AHNAK: variants seen among roughly 807,000 people sequenced by gnomAD.
AHNAK encodes neuroblast differentiation-associated protein AHNAK.
AHNAK carries 23 observed loss-of-function variants against 37.8 expected under a neutral mutation model. That is an observed-to-expected ratio of 0.61 (90% CI 0.44 to 0.86). The LOEUF (loss-of-function observed/expected upper bound fraction) is 0.86. Among genes scored for constraint, AHNAK ranks in the 40% least tolerant of loss-of-function variants. AHNAK has a pLI of 0.00. For synonymous variants in AHNAK, 2,481 were observed against 2,636.3 expected (o/e 0.94, Z 1.80); for missense variants, 7,411 against 7,319.4 (o/e 1.01, Z -0.46).
Position 62,535,018 on chromosome 11 carries a change from G to A in AHNAK, c.327C>T (p.Ser109=), listed in dbSNP as rs1229361864. The A allele has an allele frequency of 6.2e-7, 1 of 1,610,984 alleles. No individual in the cohort carries two copies. The highest frequency in any genetic ancestry group is 1.1e-5 in the South Asian group (1 of 91,002). Residue 109 remains serine (S), a synonymous_variant, in exon 4 of 5, where the codon AGC becomes AGT. Coordinates refer to ENST00000378024, the MANE Select transcript of AHNAK (RefSeq NM_001620.3). ...AGGTACTCACCAGAACCACTTCAGA[G>A]CTGCAGGAGCTGAAGACTTCACGGG... The part of the protein sequence containing the change: ...TWTREVFSSC[S]SEVVLSGDDE...
Position 62,528,367 on chromosome 11 carries a change from T to C in AHNAK, c.6050A>G (p.Glu2017Gly). ...GATGTCAACATCTGGCACTTTCATT[T>C]CACCTTCTACCTTGGGCACAGACAC... is the stretch of plus-strand genomic sequence containing the variant. ...MDVSVPKVEG[E>G]MKVPDVDIKG... Residue 2017 changes from glutamate to glycine, a missense_variant, in exon 5 of 5, where the codon GAA becomes GGA. Physicochemically the swap from Glu to Gly is moderately conservative, Grantham distance 98 (BLOSUM62 -2). Coordinates refer to ENST00000378024, the MANE Select transcript of AHNAK (RefSeq NM_001620.3). 1 of 1,613,544 alleles carries C rather than the reference T, an allele frequency of 6.2e-7. No individual in the cohort carries two copies. The highest frequency in any genetic ancestry group is 1.3e-5 in the African/African-American group (1 of 74,786).
At position 62,516,974 on chromosome 11, in the gene AHNAK, C is replaced by G; in HGVS notation, c.17443G>C (p.Gly5815Arg). 1 of 1,614,210 alleles carries G rather than the reference C, an allele frequency of 6.2e-7. No individual in the cohort carries two copies. The highest frequency in any genetic ancestry group is 8.5e-7 in the Non-Finnish European group (1 of 1,180,016). ...EVSLEGGKVK[G>R]KHGKLKFGTF... is the part of the protein sequence containing the mutation. ...CCGAATTTCAGCTTCCCGTGTTTCC[C>G]TTTAACTTTCCCACCTTCCAGAGAC... The change falls in exon 5 of 5, where the codon GGG becomes CGG. Residue 5815 changes from glycine (G) to arginine (R), a missense_variant. Coordinates refer to ENST00000378024, the MANE Select transcript of AHNAK (RefSeq NM_001620.3).
At chr11:62,449,294 C>T (rs1010324715) in intron 5 of AHNAK, among the ~76,000 whole-genome samples, 3 of 152,206 alleles carry the variant, frequency 2.0e-5, no homozygotes, top group Non-Finnish European at 4.4e-5. Context: ...ACCTTGCCTC[C>T]CCTGGAGACT....
intron 5 of AHNAK, among the ~76,000 whole-genome samples, chr11:62,484,777 T>G (rs912278717): frequency 6.6e-6 from 1 of 152,012 alleles, no homozygotes; most frequent in African/African-American, 2.4e-5. Flanking sequence ...TTTTGTTTTG[T>G]TTTGTTCTGT....
intron 5 of AHNAK, among the ~76,000 whole-genome samples, chr11:62,477,183 C>T (rs1201323988): frequency 6.6e-6 from 1 of 152,082 alleles, no homozygotes; most frequent in Non-Finnish European, 1.5e-5. Flanking sequence ...AAGAGTTCGT[C>T]GAATCCCGAA....
chr11:62,445,318 A>G (rs1030712892), intron 5 of AHNAK, among the ~76,000 whole-genome samples: 3 of 152,146 alleles, frequency 2.0e-5, no homozygotes, highest in African/African-American at 7.2e-5. Flanking sequence ...ATTCATTTTA[A>G]CCTAATGTTA....
Position 62,525,806 on chromosome 11 carries a change from G to C in AHNAK, c.8611C>G (p.Leu2871Val). The change falls in exon 5 of 5, where the codon CTC becomes GTC. Residue 2871 changes from leucine to valine, a missense_variant. Leu to Val is a conservative substitution (Grantham distance 32). Transcript: ENST00000378024. ...TCAATGTCCACTTTGGGGCCTTTGA[G>C]GTCAACTTCAGGACCTTTCAGATCT... ...EGDLKGPEVDLKGPKVDIDVP... is the reference protein window; with the variant it reads ...EGDLKGPEVDVKGPKVDIDVP... 1 of 1,613,236 alleles carries C rather than the reference G, an allele frequency of 6.2e-7. No individual in the cohort carries two copies. Among genetic ancestry groups the C allele is most frequent in the African/African-American group, 1.3e-5 (1 of 74,686 alleles).
intron 4 of AHNAK, 147 bp from the exon 5 acceptor site, chr11:62,534,221 C>A: frequency 2.8e-6 from 2 of 715,468 alleles, no homozygotes; most frequent in South Asian, 2.3e-5. Flanking sequence ...TGGGGCACAG[C>A]ACAGGGGAGT....
At chr11:62,492,027 T>A (rs542934479) in intron 4 of AHNAK, among the ~76,000 whole-genome samples, 1 of 152,090 alleles carries the variant, frequency 6.6e-6, no homozygotes, top group Non-Finnish European at 1.5e-5. Context: ...ACAGAGAATC[T>A]TTAGAAGACA....
chr11:62,439,665 A>ATTTT (rs34334316), intron 5 of AHNAK, among the ~76,000 whole-genome samples: 5 of 83,292 alleles, frequency 6.0e-5, no homozygotes, highest in Non-Finnish European at 1.0e-4. Context: ...TTTTTGTGTG[A>ATTTT]TTTTTTTTTT....
At chr11:62,464,154 A>G (rs1938854841) in intron 5 of AHNAK, among the ~76,000 whole-genome samples, 1 of 151,662 alleles carries the variant, frequency 6.6e-6, no homozygotes. Flanking sequence ...CAGCCTCCCA[A>G]GTAGCAGAAA....
In AHNAK at chr11:62,523,035, A is replaced by G. The variant is rs1479177325; in HGVS notation, c.11382T>C (p.Asp3794=). The G allele has an allele frequency of 3.1e-6, 5 of 1,613,874 alleles. No homozygotes were observed. The highest frequency in any genetic ancestry group is 1.6e-4 in the Middle Eastern group (1 of 6,084). ...TCAGGTGCCAGTCTGGGCCTTGAAC[A>G]TCAACATCTGGAGCATTAATGTCCA... The part of the protein sequence containing the change: ...PKVDINAPDV[D]VQGPDWHLKM... Residue 3794 remains aspartate, a synonymous_variant, in exon 5 of 5, where the codon GAT becomes GAC. Transcript: ENST00000378024.
chr11:62,541,901 A>G (rs74779486), intron 1 of AHNAK: 5,333 of 152,286 alleles, frequency 0.035, 120 homozygotes, highest in Middle Eastern at 0.071. Flanking sequence ...CCGAGGATGC[A>G]GCTGCCAGGC....
rs759674909 is a variant in AHNAK at position 62,529,390 on chromosome 11, G to A, written c.5027C>T (p.Pro1676Leu). 3 of 1,613,746 alleles carry A rather than the reference G, an allele frequency of 1.9e-6. No individual in the cohort carries two copies. The highest frequency in any genetic ancestry group is 2.5e-6 in the Non-Finnish European group (3 of 1,179,942). ...KVKGDMDVSV[P>L]KVEGEMKVPD... is the part of the protein sequence containing the mutation. Reference sequence around the variant, plus strand: ...CACTTTCATTTCACCTTCTACCTTGGGCACAGACACATCCATATCCCCTTT... The same window carrying A: ...CACTTTCATTTCACCTTCTACCTTGAGCACAGACACATCCATATCCCCTTT... The change falls in exon 5 of 5, where the codon CCC becomes CTC. Residue 1676 changes from proline (P) to leucine (L), a missense_variant. Transcript: ENST00000378024.
In AHNAK at chr11:62,521,212, T is replaced by A; in HGVS notation, c.13205A>T (p.Asp4402Val). Residue 4402 changes from aspartate to valine, a missense_variant, in exon 5 of 5, where the codon GAT (aspartate) becomes GTT (valine). Physicochemically the swap from Asp to Val is radical, Grantham distance 152. Transcript: ENST00000378024. The stretch of plus-strand genomic sequence containing the variant: ...CACTTTGGGCAGAGAGACATCCACA[T>A]CACCTTTCACTTTGGGACCCTTCAA... The part of the protein sequence containing the change: ...FNLKGPKVKG[D>V]VDVSLPKVEG... 2 of 1,614,056 alleles carry A rather than the reference T, an allele frequency of 1.2e-6. No individual in the cohort carries two copies. The highest frequency in any genetic ancestry group is 1.7e-6 in the Non-Finnish European group (2 of 1,180,010).
chr11:62,443,915 T>C (rs537554809), intron 5 of AHNAK, among the ~76,000 whole-genome samples: 54 of 152,296 alleles, frequency 3.5e-4, no homozygotes, highest in Non-Finnish European at 6.8e-4. Context: ...TGGCCAGCCT[T>C]ATGAGGCACC....
intron 1 of AHNAK, chr11:62,546,145 G>C (rs1388447494): frequency 1.3e-5 from 2 of 153,592 alleles, no homozygotes; most frequent in East Asian, 1.9e-4. Context: ...TGGACGACTC[G>C]GGACGCGGTT....
intron 5 of AHNAK, among the ~76,000 whole-genome samples, chr11:62,473,661 G>A (rs566399575): frequency 1.4e-5 from 2 of 147,286 alleles, no homozygotes; most frequent in South Asian, 4.4e-4. Context: ...CTCCAGCCTG[G>A]GCGACAGAGC....
rs1160924992 is a variant in AHNAK at position 62,526,246 on chromosome 11, T to A, written c.8171A>T (p.Asp2724Val). 1 of 1,613,806 alleles carries A rather than the reference T, an allele frequency of 6.2e-7. No homozygotes were observed. The highest frequency in any genetic ancestry group is 1.1e-5 in the South Asian group (1 of 91,076). The change falls in exon 5 of 5, where the codon GAT becomes GTT. Residue 2724 changes from aspartate to valine, a missense_variant. Physicochemically the swap from Asp to Val is radical, Grantham distance 152 (BLOSUM62 -3). Coordinates refer to ENST00000378024, the MANE Select transcript of AHNAK (RefSeq NM_001620.3). ...LNLKGPKVKG[D>V]VDVSLPKVEG... ...CACTTTAGGAAGGGAAACATCCACATCACCCTTCACTTTGGGTCCTTTCAG... is the reference window on the plus strand; with the variant it reads ...CACTTTAGGAAGGGAAACATCCACAACACCCTTCACTTTGGGTCCTTTCAG...
Sources: allele counts gnomAD v4.1 joint callset (sites outside exome capture counted in the v4.1 genomes callset), GRCh38; gene constraint gnomAD v4.1.1; transcripts MANE v1.5; gene names NCBI Gene and HGNC (gene_info 2026-07-23, HGNC 2026-07-21).